NTNG1: variants seen among roughly 807,000 people sequenced by gnomAD.
The protein encoded by NTNG1 is netrin G1.
A neutral mutation model predicts 54.0 loss-of-function variants in NTNG1; 16 were observed. The ratio of observed to expected loss-of-function variants is 0.30; its 90% CI spans 0.20 to 0.45. The LOEUF is 0.45. Among genes scored for constraint, NTNG1 ranks in the 20% least tolerant of loss-of-function variants. The pLI is 1.00. For missense variants in NTNG1, 530 were observed against 678.7 expected, an observed-to-expected ratio of 0.78 and a Z score of 2.43; for synonymous variants, 255 against 263.1, an observed-to-expected ratio of 0.97 and a Z score of 0.30.
intron 7 of NTNG1, among the ~76,000 whole-genome samples, chr1:107,463,042 C>G (rs1317799997): frequency 6.6e-6 from 1 of 152,214 alleles, no homozygotes; most frequent in East Asian, 1.9e-4. Context: ...CTCTTGGCTG[C>G]ACTATCAAAC....
At chr1:107,328,866 A>G (rs753999698) in intron 3 of NTNG1, 1 of 152,206 alleles carries the variant, frequency 6.6e-6, no homozygotes, top group Non-Finnish European at 1.5e-5. Context: ...AAGATATGCT[A>G]TCAGCCATAT....
At chr1:107,182,533 C>A (rs1432891516) in intron 2 of NTNG1, among the ~76,000 whole-genome samples, 1 of 152,042 alleles carries the variant, frequency 6.6e-6, no homozygotes. Context: ...TAGATAGATA[C>A]AAGAAAAAAA....
At chr1:107,333,215 A>C (rs2101902208) in intron 3 of NTNG1, among the ~76,000 whole-genome samples, 1 of 152,184 alleles carries the variant, frequency 6.6e-6, no homozygotes, top group Non-Finnish European at 1.5e-5. Context: ...TTAGAAGGAA[A>C]CATTGGCTAA....
intron 2 of NTNG1, among the ~76,000 whole-genome samples, chr1:107,302,652 T>C (rs1416638208): frequency 6.9e-6 from 1 of 145,220 alleles, no homozygotes; most frequent in Non-Finnish European, 1.6e-5. Context: ...AAAAATAATA[T>C]TGACCCACTT....
At chr1:107,271,456 ATAAT>A (rs1217926231) in intron 2 of NTNG1, among the ~76,000 whole-genome samples, 2 of 152,210 alleles carry the variant, frequency 1.3e-5, no homozygotes, top group Admixed American at 6.5e-5. Flanking sequence ...CAGCTTATAA[ATAAT>A]TAATTCCCTA....
chr1:107,152,025 T>TATATATACATAC (rs951569907), intron 2 of NTNG1, among the ~76,000 whole-genome samples: 2 of 149,976 alleles, frequency 1.3e-5, no homozygotes, highest in South Asian at 2.1e-4. Context: ...CACATACATA[T>TATATATACATAC]ATATATACAT....
intron 2 of NTNG1, among the ~76,000 whole-genome samples, chr1:107,200,616 A>T (rs2101280798): frequency 6.6e-6 from 1 of 151,958 alleles, no homozygotes; most frequent in East Asian, 1.9e-4. Context: ...TTCATGAGGA[A>T]TACTTCAAAG....
At chr1:107,394,264 TATCAAGTTAGCC>T in intron 3 of NTNG1, among the ~76,000 whole-genome samples, 1 of 152,166 alleles carries the variant, frequency 6.6e-6, no homozygotes, top group Non-Finnish European at 1.5e-5. Context: ...CCTCAACAAA[TATCAAGTTAGCC>T]ACTGCAATTT....
intron 2 of NTNG1, among the ~76,000 whole-genome samples, chr1:107,292,043 A>C (rs1409201484): frequency 5.3e-5 from 8 of 152,184 alleles, no homozygotes; most frequent in African/African-American, 1.9e-4. Context: ...GAAGCGAGGA[A>C]GGCAATGGGT....
chr1:107,164,431 C>T (rs143934485), intron 2 of NTNG1, among the ~76,000 whole-genome samples: 5 of 152,298 alleles, frequency 3.3e-5, no homozygotes, highest in South Asian at 2.1e-4. Context: ...ATAAAAGTAA[C>T]AAGTGTTAGT....
chr1:107,443,728 G>A (rs1676127394), intron 7 of NTNG1, among the ~76,000 whole-genome samples: 1 of 152,020 alleles, frequency 6.6e-6, no homozygotes, highest in Non-Finnish European at 1.5e-5. Context: ...CCCTCATTTG[G>A]CCCTCACATG....
intron 3 of NTNG1, among the ~76,000 whole-genome samples, chr1:107,365,517 G>T (rs953764435): frequency 6.6e-6 from 1 of 152,008 alleles, no homozygotes; most frequent in Non-Finnish European, 1.5e-5. Context: ...TTGCATATAG[G>T]TAAGCCAATA....
intron 3 of NTNG1, among the ~76,000 whole-genome samples, chr1:107,382,867 A>G (rs1466338437): frequency 7.0e-6 from 1 of 143,166 alleles, no homozygotes; most frequent in Non-Finnish European, 1.6e-5. Context: ...AATAAGAGGA[A>G]AAAAAAAAAG....
intron 6 of NTNG1, among the ~76,000 whole-genome samples, chr1:107,433,514 A>C (rs58167706): frequency 0.011 from 1,661 of 152,300 alleles, 28 homozygotes; most frequent in South Asian, 0.026. Context: ...GCGCCACTGC[A>C]CTCCAGCCTG....
At chr1:107,156,601 T>C (rs187054073) in intron 2 of NTNG1, among the ~76,000 whole-genome samples, 10 of 152,098 alleles carry the variant, frequency 6.6e-5, no homozygotes, top group Non-Finnish European at 8.8e-5. Flanking sequence ...AACATAGTAG[T>C]AAATTTGTTT....
rs567169380 is a variant in NTNG1, at chr1:107,402,633, C to T, written c.1061-5049C>T. On this transcript the variant is annotated intron_variant, in intron 4 of 7. Coordinates refer to ENST00000370068, the MANE Select transcript of NTNG1 (RefSeq NM_001113226.3). The stretch of plus-strand genomic sequence containing the variant: ...ACATCTTTGAAGGTGATCTTATTTC[C>T]CTCACTTTCAAGTTTCTGGGAGACA... Among the ~76,000 whole-genome samples, 91 of 152,092 alleles carry T rather than the reference C, an allele frequency of 6.0e-4. 4 individuals carry two copies. The South Asian group carries it at 0.019, about 31-fold the overall frequency.
At chr1:107,471,669 G>T (rs1382522140) in intron 7 of NTNG1, among the ~76,000 whole-genome samples, 1 of 152,240 alleles carries the variant, frequency 6.6e-6, no homozygotes, top group Non-Finnish European at 1.5e-5. Flanking sequence ...AGAATATGCA[G>T]TAGTTGAATA....
At chr1:107,229,652 G>A (rs1475709104) in intron 2 of NTNG1, among the ~76,000 whole-genome samples, 5 of 151,806 alleles carry the variant, frequency 3.3e-5, no homozygotes, top group Admixed American at 6.6e-5. Flanking sequence ...GCTGATTCCT[G>A]TAATATCTTA....
chr1:107,370,769 C>T (rs868615103), intron 3 of NTNG1, among the ~76,000 whole-genome samples: 6 of 151,934 alleles, frequency 3.9e-5, no homozygotes, highest in South Asian at 4.1e-4. Flanking sequence ...TTTAATTTGC[C>T]TCAGCAATTT....
Sources: gnomAD v4.1 joint callset for allele counts (sites outside exome capture counted in the v4.1 genomes callset) on GRCh38, gnomAD v4.1.1 for gene constraint, MANE v1.5 for transcripts, NCBI Gene and HGNC (gene_info 2026-07-23, HGNC 2026-07-21) for gene names.